PTPN21: variants seen among roughly 807,000 people sequenced by gnomAD.
PTPN21 encodes protein tyrosine phosphatase non-receptor type 21, also known as tyrosine-protein phosphatase non-receptor type 21.
PTPN21 carries 77 observed loss-of-function variants against 131.8 expected under a neutral mutation model. The observed-to-expected ratio is 0.58, with a 90% confidence interval of 0.49 to 0.71. The LOEUF is 0.71. PTPN21 is among the 30% of genes least tolerant of loss of function. PTPN21 has a pLI of 0.00. For synonymous variants in PTPN21, 715 were observed against 621.3 expected (o/e 1.15, Z -2.24); for missense variants, 1,552 against 1,527.1 (o/e 1.02, Z -0.27).
At chr14:88,471,576 C>T (rs1441548005) in intron 15 of PTPN21, among the ~76,000 whole-genome samples, 1 of 129,684 alleles carries the variant, frequency 7.7e-6, no homozygotes. Context: ...ATACTGGTTC[C>T]AGGAAAAAAG....
chr14:88,485,580 T>C (rs2077719613), intron 11 of PTPN21, among the ~76,000 whole-genome samples: 1 of 152,022 alleles, frequency 6.6e-6, no homozygotes, highest in African/African-American at 2.4e-5. Context: ...AGGTCAGACC[T>C]AATATTCAAA....
rs184974427 is a variant in PTPN21 at position 88,527,313 on chromosome 14, C to T, written c.181-10052G>A. Among the ~76,000 whole-genome samples the T allele has an allele frequency of 5.2e-3, 795 of 152,256 alleles. 13 individuals carry two copies. The highest frequency in any genetic ancestry group is 0.018 in the African/African-American group (760 of 41,554). ...TCCCTTCTCACCACATTTACACCAACATCTATTATTCTTTGATTTTTTTAT... is the reference window on the plus strand; with the variant it reads ...TCCCTTCTCACCACATTTACACCAATATCTATTATTCTTTGATTTTTTTAT... On this transcript the variant is annotated intron_variant, in intron 2 of 18. Coordinates refer to ENST00000556564, the MANE Select transcript of PTPN21 (RefSeq NM_007039.4).
At chr14:88,547,940 C>A (rs919664467) in intron 2 of PTPN21, among the ~76,000 whole-genome samples, 1 of 152,144 alleles carries the variant, frequency 6.6e-6, no homozygotes, top group African/African-American at 2.4e-5. Flanking sequence ...TTCAAAACCT[C>A]CAACTGGCAC....
At position 88,485,817 on chromosome 14, in the gene PTPN21, G is replaced by A; in HGVS notation, c.958C>T (p.Pro320Ser). 1 of 1,608,448 alleles carries A rather than the reference G, an allele frequency of 6.2e-7. No homozygotes were observed. Among genetic ancestry groups the A allele is most frequent in the Non-Finnish European group, 8.5e-7 (1 of 1,175,502 alleles). ...CTTGAAGAAGACCTCCTCCTGATTG[G>A]GTTCACTGTGACAGTCTGAGTTTGC... ...NLQTQTVTVN[P>S]IRRRSSSRMS... is the part of the protein sequence containing the mutation. The change falls in exon 11 of 19, where the codon CCA becomes TCA. Residue 320 changes from proline (P) to serine (S), a missense_variant. Physicochemically the swap from Pro to Ser is moderately conservative, Grantham distance 74. This residue lies in a region of PTPN21 where 1,016 missense variants were observed against 883.5 expected (regional missense o/e 1.15). Coordinates refer to ENST00000556564, the MANE Select transcript of PTPN21 (RefSeq NM_007039.4).
chr14:88,544,962 G>C (rs1210293745), intron 2 of PTPN21, among the ~76,000 whole-genome samples: 1 of 151,856 alleles, frequency 6.6e-6, no homozygotes, highest in African/African-American at 2.4e-5. Flanking sequence ...CAAGTAGTTG[G>C]GACTACAGGC....
chr14:88,504,336 A>C, intron 6 of PTPN21, 89 bp downstream of exon 6: 1 of 1,078,900 alleles, frequency 9.3e-7, no homozygotes, highest in Non-Finnish European at 1.4e-6. Context: ...ATAAATATTA[A>C]TCATGTAAAT....
chr14:88,522,500 G>A (rs1434117398), intron 2 of PTPN21, among the ~76,000 whole-genome samples: 1 of 150,836 alleles, frequency 6.6e-6, no homozygotes, highest in Non-Finnish European at 1.5e-5. Context: ...TTTAAATAAA[G>A]GAGTCTAAGA....
In PTPN21 at chr14:88,469,186, A is replaced by T. The variant is rs1477522951; in HGVS notation, c.3236-110T>A. The stretch of plus-strand genomic sequence containing the variant: ...ATTAAGAGGACTGCAGATAAAGAGC[A>T]CTGGGTGCCAGTGAACCAAACCCAA... On this transcript the variant is annotated intron_variant, in intron 17 of 18. Coordinates refer to ENST00000556564, the MANE Select transcript of PTPN21 (RefSeq NM_007039.4). The surrounding 1 kb of genome is among the most constrained non-coding windows in gnomAD (Gnocchi z 4.3). The T allele has an allele frequency of 1.6e-6, 2 of 1,264,030 alleles. No homozygotes were observed. The highest frequency in any genetic ancestry group is 2.2e-6 in the Non-Finnish European group (2 of 924,198). The allele number at this position is 1,264,030 out of a possible 1,614,324, so 78.3% of individuals were successfully genotyped here.
Position 88,517,104 on chromosome 14 carries a change from T to C in PTPN21, c.338A>G (p.Gln113Arg). 1 of 1,613,860 alleles carries C rather than the reference T, an allele frequency of 6.2e-7. No homozygotes were observed. The highest frequency in any genetic ancestry group is 8.5e-7 in the Non-Finnish European group (1 of 1,179,810). The change falls in exon 3 of 19, where the codon CAG becomes CGG. Residue 113 changes from glutamine to arginine, a missense_variant. Gln to Arg is a conservative substitution (Grantham distance 43, BLOSUM62 1). Coordinates refer to ENST00000556564, the MANE Select transcript of PTPN21 (RefSeq NM_007039.4). ...TGTAATTTCTCACCTGGTAATCTCCTGCTGCAGCTGAGAAACTGAAGGCAC... is the reference window on the plus strand; with the variant it reads ...TGTAATTTCTCACCTGGTAATCTCCCGCTGCAGCTGAGAAACTGAAGGCAC... ...FYVPSVSQLQ[Q>R]EITRYQYYLQ... is the part of the protein sequence containing the mutation.
At chr14:88,543,451 C>G (rs944305950) in intron 2 of PTPN21, among the ~76,000 whole-genome samples, 3 of 152,136 alleles carry the variant, frequency 2.0e-5, no homozygotes, top group African/African-American at 7.2e-5. Flanking sequence ...AAATGTTTAC[C>G]TCTCTCCAGG....
chr14:88,521,949 GA>G (rs2078400882), intron 2 of PTPN21, among the ~76,000 whole-genome samples: 1 of 152,100 alleles, frequency 6.6e-6, no homozygotes, highest in Admixed American at 6.6e-5. Flanking sequence ...ATTCTGAAAG[GA>G]AAACTGTTAA....
In PTPN21 at chr14:88,480,207, G is replaced by C. The variant is rs372546686; in HGVS notation, c.1224C>G (p.Pro408=). 1.2e-6 allele frequency: 2 copies of C among 1,614,194 alleles called. No homozygotes were observed. Among genetic ancestry groups the C allele is most frequent in the African/African-American group, 1.3e-5 (1 of 75,060 alleles). Residue 408 remains proline (P), a synonymous_variant, in exon 13 of 19, where the codon CCC becomes CCG. Coordinates refer to ENST00000556564, the MANE Select transcript of PTPN21 (RefSeq NM_007039.4). ...ACGACATCGGCGAGGGCTGCAAGTA[G>C]GGCTGAGGATTATTTAAGGAGTTGG... ...HSTNSLNNPQ[P]YLQPSPMSSN...
Position 88,479,045 on chromosome 14 carries a change from TGGA to T in PTPN21, c.2383_2385del (p.Ser795del), listed in dbSNP as rs1566811631. On this transcript the variant is annotated inframe_deletion, in exon 13 of 19. Coordinates refer to ENST00000556564, the MANE Select transcript of PTPN21 (RefSeq NM_007039.4). Reference sequence around the variant, plus strand: ...GACGTGGTGAGGTCGGACTCCGACATGGAGGGCATCAGCAGCCCGTCTCTCCAG... The same window carrying T: ...GACGTGGTGAGGTCGGACTCCGACATGGGCATCAGCAGCCCGTCTCTCCAG... The T allele has an allele frequency of 6.2e-7, 1 of 1,607,460 alleles. No homozygotes were observed. The highest frequency in any genetic ancestry group is 8.5e-7 in the Non-Finnish European group (1 of 1,177,656).
intron 10 of PTPN21, among the ~76,000 whole-genome samples, chr14:88,491,258 T>C (rs1157070476): frequency 6.6e-6 from 1 of 152,218 alleles, no homozygotes; most frequent in Non-Finnish European, 1.5e-5. Flanking sequence ...TACTAAAATA[T>C]AGTTATCTGG....
At position 88,500,773 on chromosome 14, in the gene PTPN21, A is replaced by T. The variant is rs2077995879; in HGVS notation, c.764+10T>A. On this transcript the variant is annotated intron_variant, in intron 8 of 18. Transcript: ENST00000556564. ...CATAGAAAACATACAAAAAGAGGTA[A>T]GAAAAATACCTAAATACCACAGGAT... is the stretch of plus-strand genomic sequence containing the variant. 1.3e-6 allele frequency: 2 copies of T among 1,591,086 alleles called. No individual in the cohort carries two copies. The highest frequency in any genetic ancestry group is 1.7e-6 in the Non-Finnish European group (2 of 1,159,200).
At chr14:88,523,903 T>C (rs1197059814) in intron 2 of PTPN21, among the ~76,000 whole-genome samples, 1 of 152,170 alleles carries the variant, frequency 6.6e-6, no homozygotes, top group South Asian at 2.1e-4. Context: ...ACAAAATATG[T>C]AGGAATAAAT....
intron 12 of PTPN21, among the ~76,000 whole-genome samples, chr14:88,480,819 G>A (rs1013939656): frequency 2.6e-5 from 4 of 152,214 alleles, no homozygotes; most frequent in Admixed American, 1.3e-4. Context: ...TGAGAGCTTC[G>A]ACTGTAAAAG....
rs942984853 is a variant in PTPN21 at position 88,479,434 on chromosome 14, G to C, written c.1997C>G (p.Pro666Arg). The change falls in exon 13 of 19, where the codon CCG becomes CGG. Residue 666 changes from proline to arginine, a missense_variant. Around this residue, in one of 4 missense-constraint regions of PTPN21, gnomAD observed 1,016 missense variants for 883.5 expected, o/e 1.15. Transcript: ENST00000556564. The part of the protein sequence containing the change: ...TLSASAAEVA[P>R]RAVSVGSQPS... ...CTGGGAGCCCACCGAGACGGCTCGC[G>C]GCGCCACCTCTGCCGCCGACGCGGA... The C allele has an allele frequency of 1.1e-5, 18 of 1,601,888 alleles. No individual in the cohort carries two copies. The South Asian group carries it at 1.9e-4, about 17-fold the overall frequency.
chr14:88,485,295 T>A (rs902468340), intron 11 of PTPN21, 135 bp from the exon 12 acceptor site: 1 of 523,506 alleles, frequency 1.9e-6, no homozygotes, highest in Non-Finnish European at 3.3e-6. Flanking sequence ...AAAATAAACA[T>A]GAAGACACAG....
Sources: gnomAD v4.1 joint callset for allele counts (sites outside exome capture counted in the v4.1 genomes callset) on GRCh38, gnomAD v4.1.1 for gene constraint, gnomAD v4.1.1 regional missense constraint, Gnocchi (gnomAD v3.1) non-coding constraint, MANE v1.5 for transcripts, NCBI Gene and HGNC (gene_info 2026-07-23, HGNC 2026-07-21) for gene names.